Variants in PLCB1 observed in about 807,000 individuals in gnomAD.
PLCB1 encodes phospholipase C beta 1, also known as 1-phosphatidylinositol 4,5-bisphosphate phosphodiesterase beta-1.
Under a neutral mutation model 161.8 loss-of-function variants are expected in PLCB1, and 46 were observed. The observed-to-expected ratio is 0.28, with a 90% CI of 0.22 to 0.36. The LOEUF is 0.36. PLCB1 is among the 10% of genes least tolerant of loss of function. The probability of loss-of-function intolerance (pLI) is 1.00; values close to 1 mark genes in which losing one functional copy is unlikely to be tolerated. For missense variants in PLCB1, 1,016 were observed against 1,472.5 expected, an observed-to-expected ratio of 0.69 and a Z score of 5.07; for synonymous variants, 517 against 503.7, an observed-to-expected ratio of 1.03 and a Z score of -0.35.
intron 31 of PLCB1, among the ~76,000 whole-genome samples, chr20:8,793,418 G>A (rs538773768): frequency 1.8e-4 from 28 of 152,240 alleles, no homozygotes; most frequent in Non-Finnish European, 2.8e-4. Context: ...CGATATTCAC[G>A]TAGGTTCTTT....
intron 11 of PLCB1, among the ~76,000 whole-genome samples, chr20:8,700,968 C>T (rs190464805): frequency 4.5e-4 from 69 of 152,292 alleles, no homozygotes; most frequent in African/African-American, 1.6e-3. Flanking sequence ...AGGACTGAGA[C>T]TAGGAAAGAC....
At chr20:8,611,686 G>A (rs1009434236) in intron 3 of PLCB1, among the ~76,000 whole-genome samples, 2 of 152,080 alleles carry the variant, frequency 1.3e-5, no homozygotes, top group African/African-American at 2.4e-5. Context: ...TTTATTGACC[G>A]TGCAGGAAAC....
chr20:8,721,964 C>A (rs1056428983), intron 14 of PLCB1, among the ~76,000 whole-genome samples: 2 of 151,830 alleles, frequency 1.3e-5, no homozygotes, highest in African/African-American at 2.4e-5. Flanking sequence ...TATCTGTTTT[C>A]GGGGTCATAG....
intron 26 of PLCB1, among the ~76,000 whole-genome samples, chr20:8,773,276 T>G (rs1301884912): frequency 1.3e-5 from 2 of 152,198 alleles, no homozygotes; most frequent in Non-Finnish European, 2.9e-5. Flanking sequence ...TCTGATGTGT[T>G]GAATGTCTTA....
At chr20:8,852,134 C>A (rs1441726905) in intron 31 of PLCB1, among the ~76,000 whole-genome samples, 1 of 152,230 alleles carries the variant, frequency 6.6e-6, no homozygotes, top group Non-Finnish European at 1.5e-5. Flanking sequence ...CAGGTTTTAT[C>A]TCTGCCTCCT....
At chr20:8,730,960 C>T (rs1030724849) in intron 18 of PLCB1, among the ~76,000 whole-genome samples, 2 of 151,606 alleles carry the variant, frequency 1.3e-5, no homozygotes, top group Non-Finnish European at 3.0e-5. Context: ...CAGTACATTC[C>T]GTTGGAATTT....
At chr20:8,296,489 A>G (rs533735622) in intron 2 of PLCB1, among the ~76,000 whole-genome samples, 4 of 152,114 alleles carry the variant, frequency 2.6e-5, no homozygotes, top group Non-Finnish European at 5.9e-5. Flanking sequence ...GGTAATAACC[A>G]TGTTTATTGG....
chr20:8,730,157 C>A (rs1181378246), intron 18 of PLCB1, among the ~76,000 whole-genome samples: 2 of 151,892 alleles, frequency 1.3e-5, no homozygotes. Context: ...TGGATCAGGT[C>A]AGGCTGATTA....
At chr20:8,248,763 C>A (rs1007640261) in intron 2 of PLCB1, 3 of 151,940 alleles carry the variant, frequency 2.0e-5, no homozygotes, top group African/African-American at 7.2e-5. Flanking sequence ...TAATCTTTTG[C>A]CAGAAGATTC....
At position 8,700,060 on chromosome 20, in the gene PLCB1, G is replaced by A. The variant is rs374041580; in HGVS notation, c.1167+2277G>A. Among the ~76,000 whole-genome samples, 6 of 152,208 alleles carry A rather than the reference G, an allele frequency of 3.9e-5. No individual in the cohort carries two copies. In the South Asian group the frequency reaches 6.2e-4, roughly 16 times the overall value. ...CTACCTAAGATGCAGTCTAACAGTT[G>A]GGCTCTTTAAGAAAAAGTGGAGACA... On this transcript the variant is annotated intron_variant, in intron 11 of 31. Coordinates refer to ENST00000338037, the MANE Select transcript of PLCB1 (RefSeq NM_015192.4).
At chr20:8,528,414 C>T (rs1216801836) in intron 3 of PLCB1, among the ~76,000 whole-genome samples, 1 of 151,996 alleles carries the variant, frequency 6.6e-6, no homozygotes, top group Non-Finnish European at 1.5e-5. Context: ...AGAAGCCAGA[C>T]ACAAAAGTTA....
intron 2 of PLCB1, among the ~76,000 whole-genome samples, chr20:8,158,767 T>C (rs1207833404): frequency 2.6e-5 from 4 of 152,218 alleles, no homozygotes; most frequent in Admixed American, 2.6e-4. Flanking sequence ...ACAGGCCTCA[T>C]GCAAGTCCAA....
chr20:8,827,507 C>T (rs1327919796), intron 31 of PLCB1, among the ~76,000 whole-genome samples: 2 of 152,086 alleles, frequency 1.3e-5, no homozygotes, highest in Non-Finnish European at 2.9e-5. Context: ...TAAACACTAG[C>T]CATACAGGGC....
At chr20:8,279,596 G>A (rs1029997420) in intron 2 of PLCB1, among the ~76,000 whole-genome samples, 4 of 152,044 alleles carry the variant, frequency 2.6e-5, no homozygotes, top group Non-Finnish European at 5.9e-5. Flanking sequence ...GGTTAAAACT[G>A]TAAATTTTGT....
chr20:8,412,954 A>T (rs1457643342), intron 3 of PLCB1, among the ~76,000 whole-genome samples: 3 of 148,948 alleles, frequency 2.0e-5, no homozygotes, highest in African/African-American at 7.5e-5. Flanking sequence ...ATCATCTGTG[A>T]CCAAAAAAAA....
chr20:8,341,671 T>C (rs1233560480), intron 2 of PLCB1, among the ~76,000 whole-genome samples: 1 of 152,222 alleles, frequency 6.6e-6, no homozygotes, highest in Admixed American at 6.5e-5. Flanking sequence ...ATATTTTTAA[T>C]AGCACTAATT....
chr20:8,594,682 A>G (rs1313144228), intron 3 of PLCB1, among the ~76,000 whole-genome samples: 1 of 152,032 alleles, frequency 6.6e-6, no homozygotes, highest in Non-Finnish European at 1.5e-5. Context: ...ATCTTTGAGG[A>G]AACCAAAAAA....
chr20:8,186,704 A>G (rs1385944466), intron 2 of PLCB1, among the ~76,000 whole-genome samples: 1 of 152,174 alleles, frequency 6.6e-6, no homozygotes, highest in Non-Finnish European at 1.5e-5. Context: ...CAAAAACCTT[A>G]TTAGAGAGAA....
In PLCB1 at chr20:8,684,918, T is replaced by C. The variant is rs1990322265; in HGVS notation, c.863-14T>C. ...AGAATGCATTCACATCCTTTCTAAC[T>C]TCATTTCCTCCAGGACAAATATCAG... On this transcript the variant is annotated splice_polypyrimidine_tract_variant and intron_variant, in intron 9 of 31. Transcript: ENST00000338037. The C allele has an allele frequency of 6.2e-7, 1 of 1,607,174 alleles. No individual in the cohort carries two copies.
Sources: allele counts gnomAD v4.1 joint callset (sites outside exome capture counted in the v4.1 genomes callset), GRCh38; gene constraint gnomAD v4.1.1; transcripts MANE v1.5; gene names NCBI Gene and HGNC (gene_info 2026-07-23, HGNC 2026-07-21).